Variants in GRIK4 observed in about 807,000 individuals in gnomAD.
The protein encoded by GRIK4 is glutamate receptor ionotropic, kainate 4.
Under a neutral mutation model 104.9 loss-of-function variants are expected in GRIK4, and 40 were observed. The ratio of observed to expected loss-of-function variants is 0.38; its 90% CI spans 0.30 to 0.50. The LOEUF is 0.50. Ranked by LOEUF, GRIK4 falls within the 20% of genes least tolerant of loss-of-function variation. The probability of loss-of-function intolerance (pLI) is 0.93; values close to 1 mark genes in which losing one functional copy is unlikely to be tolerated. For synonymous variants in GRIK4, 485 were observed against 524.9 expected (o/e 0.92, Z 1.04); for missense variants, 1,047 against 1,308.1 (o/e 0.80, Z 3.08).
At chr11:120,656,923 C>T (rs1482110719) in intron 2 of GRIK4, among the ~76,000 whole-genome samples, 1 of 152,186 alleles carries the variant, frequency 6.6e-6, no homozygotes, top group Non-Finnish European at 1.5e-5. Flanking sequence ...GTTCCTCAGG[C>T]CTGCACGAAC....
At chr11:120,776,112 A>G (rs1952036035) in intron 3 of GRIK4, among the ~76,000 whole-genome samples, 1 of 152,230 alleles carries the variant, frequency 6.6e-6, no homozygotes. Context: ...GTGTTGTGCC[A>G]ATAAGAGATA....
At chr11:120,584,810 A>G (rs1027976872) in intron 1 of GRIK4, among the ~76,000 whole-genome samples, 1 of 152,206 alleles carries the variant, frequency 6.6e-6, no homozygotes, top group Non-Finnish European at 1.5e-5. Flanking sequence ...TTCTGCATCT[A>G]TTGAGATGAT....
intron 1 of GRIK4, among the ~76,000 whole-genome samples, chr11:120,547,642 G>A (rs143499273): frequency 5.3e-5 from 8 of 151,908 alleles, no homozygotes; most frequent in East Asian, 3.9e-4. Context: ...CCATGGAAAC[G>A]TCTGACATGG....
intron 8 of GRIK4, among the ~76,000 whole-genome samples, chr11:120,850,123 G>A (rs1178133170): frequency 6.6e-6 from 1 of 152,156 alleles, no homozygotes; most frequent in Non-Finnish European, 1.5e-5. Context: ...CTGTAGTCCA[G>A]TTTCTCTCTT....
chr11:120,875,128 C>G lies in GRIK4; in HGVS notation c.1060-11C>G, dbSNP rs1183008309. 4.5e-6 allele frequency: 7 copies of G among 1,567,510 alleles called. No individual in the cohort carries two copies. The East Asian group carries it at 1.1e-4, about 25-fold the overall frequency. ...CCTGTTTGGTGCTGTAACTCACTCT[C>G]TCTTGGACAGGTAGAATTGGAAGGT... is the stretch of plus-strand genomic sequence containing the variant. On this transcript the variant is annotated splice_polypyrimidine_tract_variant and intron_variant, in intron 10 of 20. Coordinates refer to ENST00000527524, the MANE Select transcript of GRIK4 (RefSeq NM_014619.5).
intron 19 of GRIK4, among the ~76,000 whole-genome samples, chr11:120,980,716 G>C (rs1944637317): frequency 6.6e-6 from 1 of 152,080 alleles, no homozygotes; most frequent in Middle Eastern, 3.2e-3. Flanking sequence ...ATTCACACAG[G>C]TACTCAAGAG....
intron 8 of GRIK4, 95 bp from the exon 9 acceptor site, chr11:120,861,864 C>T (rs1830241136): frequency 1.1e-6 from 1 of 933,142 alleles, no homozygotes; most frequent in South Asian, 1.5e-5. Flanking sequence ...GTTCACTGGA[C>T]TAGAATGTGG....
chr11:120,960,937 T>C lies in GRIK4; in HGVS notation c.1903T>C (p.Ser635Pro). ...GGCATTCACGCTGATCATCATCTCATCCTACACGGCCAACCTGGCAGCCTT... is the reference window on the plus strand; with the variant it reads ...GGCATTCACGCTGATCATCATCTCACCCTACACGGCCAACCTGGCAGCCTT... ...WWAFTLIIIS[S>P]YTANLAAFLT... Residue 635 changes from serine to proline, a missense_variant, in exon 17 of 21, where the codon TCC becomes CCC. Physicochemically the swap from Ser to Pro is moderately conservative, Grantham distance 74. This residue lies in a region of GRIK4 where 440 missense variants were observed against 652.3 expected (regional missense o/e 0.67). Transcript: ENST00000527524. 1 of 1,613,940 alleles carries C rather than the reference T, an allele frequency of 6.2e-7. No homozygotes were observed. The highest frequency in any genetic ancestry group is 1.1e-5 in the South Asian group (1 of 91,016).
Position 120,875,149 on chromosome 11 carries a change from A to G in GRIK4, c.1070A>G (p.Glu357Gly). 6.2e-7 allele frequency: 1 copy of G among 1,605,232 alleles called. No homozygotes were observed. The highest frequency in any genetic ancestry group is 8.5e-7 in the Non-Finnish European group (1 of 1,172,052). ...CTCTCTCTTGGACAGGTAGAATTGG[A>G]AGGTCTTACCGGCCACATTGAATTC... ...LMNYLRMVELEGLTGHIEFNS... is the reference protein window; with the variant it reads ...LMNYLRMVELGGLTGHIEFNS... The change falls in exon 11 of 21, where the codon GAA becomes GGA. Residue 357 changes from glutamate to glycine, a missense_variant. This residue lies in a region of GRIK4 where 447 missense variants were observed against 514.9 expected (regional missense o/e 0.87). Transcript: ENST00000527524.
chr11:120,856,466 G>A (rs1472009371), intron 8 of GRIK4, among the ~76,000 whole-genome samples: 1 of 152,172 alleles, frequency 6.6e-6, no homozygotes, highest in African/African-American at 2.4e-5. Context: ...AAATGACGAG[G>A]ACCTAACCTG....
chr11:120,742,328 A>G (rs902122095), intron 3 of GRIK4, among the ~76,000 whole-genome samples: 1 of 149,376 alleles, frequency 6.7e-6, no homozygotes, highest in Non-Finnish European at 1.5e-5. Context: ...TCTGGGCCAC[A>G]GAGCAAGACT....
chr11:120,918,628 C>A (rs1943162782), intron 13 of GRIK4, among the ~76,000 whole-genome samples: 1 of 152,166 alleles, frequency 6.6e-6, no homozygotes, highest in Non-Finnish European at 1.5e-5. Context: ...CTTGCCAAGG[C>A]ATGTGCCCAC....
intron 1 of GRIK4, among the ~76,000 whole-genome samples, chr11:120,608,621 T>A (rs1322084260): frequency 1.3e-5 from 2 of 152,212 alleles, no homozygotes; most frequent in Non-Finnish European, 2.9e-5. Context: ...GTTGTGAGAC[T>A]CACAAGAATG....
intron 11 of GRIK4, among the ~76,000 whole-genome samples, chr11:120,889,302 A>G (rs1955206263): frequency 6.6e-6 from 1 of 152,174 alleles, no homozygotes; most frequent in Non-Finnish European, 1.5e-5. Context: ...ACAGATCTAT[A>G]TAATATAAGA....
intron 14 of GRIK4, among the ~76,000 whole-genome samples, chr11:120,951,405 G>A (rs1012234046): frequency 2.6e-5 from 4 of 152,224 alleles, no homozygotes; most frequent in African/African-American, 9.6e-5. Flanking sequence ...TCAGAAGGCT[G>A]GTTGAGTTTA....
chr11:120,761,480 T>C (rs1161079385), intron 3 of GRIK4, among the ~76,000 whole-genome samples: 1 of 152,240 alleles, frequency 6.6e-6, no homozygotes, highest in Non-Finnish European at 1.5e-5. Context: ...ATTTTGGCTT[T>C]TGTTGCCATT....
intron 3 of GRIK4, among the ~76,000 whole-genome samples, chr11:120,673,543 G>A (rs1421346650): frequency 6.6e-6 from 1 of 152,188 alleles, no homozygotes; most frequent in Non-Finnish European, 1.5e-5. Flanking sequence ...CCTGAGTTTT[G>A]ACTGTTGGTC....
At chr11:120,930,543 G>A (rs1943462374) in intron 13 of GRIK4, among the ~76,000 whole-genome samples, 2 of 152,184 alleles carry the variant, frequency 1.3e-5, no homozygotes, top group African/African-American at 4.8e-5. Context: ...GTTGGAGTGT[G>A]AGTCCAGGCA....
intron 1 of GRIK4, among the ~76,000 whole-genome samples, chr11:120,621,266 C>T (rs1173109465): frequency 6.6e-6 from 1 of 152,222 alleles, no homozygotes; most frequent in Non-Finnish European, 1.5e-5. Flanking sequence ...GCCTTTCACA[C>T]AGTCCATTTT....
Sources: allele counts gnomAD v4.1 joint callset (sites outside exome capture counted in the v4.1 genomes callset), GRCh38; gene constraint gnomAD v4.1.1; regional missense constraint gnomAD v4.1.1; transcripts MANE v1.5; gene names NCBI Gene and HGNC (gene_info 2026-07-23, HGNC 2026-07-21).